SCAF8: variants seen among roughly 807,000 people sequenced by gnomAD.
SCAF8 encodes the protein SR-related and CTD-associated factor 8.
SCAF8 carries 23 observed loss-of-function variants against 140.5 expected under a neutral mutation model. That is an observed-to-expected ratio of 0.16 (90% CI 0.12 to 0.23). The LOEUF is 0.23. Among genes scored for constraint, SCAF8 ranks in the 10% least tolerant of loss-of-function variants. SCAF8 has a pLI of 1.00. For synonymous variants in SCAF8, 575 were observed against 528.9 expected, an observed-to-expected ratio of 1.09 and a Z score of -1.20; for missense variants, 1,397 against 1,555.7, an observed-to-expected ratio of 0.90 and a Z score of 1.72.
At chr6:154,771,332 A>G (rs1399478841) in intron 1 of SCAF8, among the ~76,000 whole-genome samples, 1 of 152,020 alleles carries the variant, frequency 6.6e-6, no homozygotes, top group Non-Finnish European at 1.5e-5. Flanking sequence ...TATTGGAGAG[A>G]CCCTGGTAGA....
In SCAF8 at chr6:154,815,777, C is replaced by A; in HGVS notation, c.1482C>A (p.Thr494=). The stretch of plus-strand genomic sequence containing the variant: ...AGAAGGCAACACAGCAAGACTTAAC[C>A]AACCTGTTTGAAGAGTTTGGACAGA... ...VDKKATQQDL[T]NLFEEFGQIE... Residue 494 remains threonine, a synonymous_variant, in exon 13 of 20, where the codon ACC becomes ACA. Transcript: ENST00000367178. 6.2e-7 allele frequency: 1 copy of A among 1,612,574 alleles called. No individual in the cohort carries two copies. The highest frequency in any genetic ancestry group is 8.5e-7 in the Non-Finnish European group (1 of 1,178,944).
At chr6:154,791,506 T>C (rs1777417157) in intron 4 of SCAF8, among the ~76,000 whole-genome samples, 1 of 152,124 alleles carries the variant, frequency 6.6e-6, no homozygotes, top group Non-Finnish European at 1.5e-5. Flanking sequence ...ATGCTCAAAA[T>C]TTGAGAATGG....
At chr6:154,750,996 C>G (rs1778823600) in intron 1 of SCAF8, among the ~76,000 whole-genome samples, 1 of 152,124 alleles carries the variant, frequency 6.6e-6, no homozygotes, top group Non-Finnish European at 1.5e-5. Context: ...GGAAGGTGGA[C>G]TGTGTGGATC....
intron 1 of SCAF8, among the ~76,000 whole-genome samples, chr6:154,748,831 C>A (rs552485146): frequency 1.3e-5 from 2 of 152,184 alleles, no homozygotes; most frequent in Admixed American, 6.5e-5. Flanking sequence ...TGCAAAATTT[C>A]CTAATCAGTA....
intron 17 of SCAF8, chr6:154,825,240 A>G (rs947957802): frequency 6.6e-6 from 1 of 152,222 alleles, no homozygotes; most frequent in East Asian, 1.9e-4. Context: ...TAATCTCTGT[A>G]TCATTCCAGT....
rs77631607 is a variant in SCAF8 at position 154,773,231 on chromosome 6, C to T, written c.31-758C>T. Among the ~76,000 whole-genome samples the T allele has an allele frequency of 3.7e-4, 57 of 152,316 alleles. 1 individual carries two copies. In the East Asian group the frequency reaches 9.6e-3, roughly 26 times the overall value. On this transcript the variant is annotated intron_variant, in intron 1 of 19. Transcript: ENST00000367178. ...ATCAGCAATGATTCCTCATTTATCT[C>T]CAGCTCTTTCAGCCCTAGACAACCA...
At chr6:154,789,299 G>A (rs969893320) in intron 4 of SCAF8, among the ~76,000 whole-genome samples, 2 of 151,704 alleles carry the variant, frequency 1.3e-5, no homozygotes, top group African/African-American at 4.8e-5. Flanking sequence ...TTTTAGTAGA[G>A]ATGGAGTTTT....
At chr6:154,773,917 G>C in intron 1 of SCAF8, 72 bp from the exon 2 acceptor site, 2 of 941,980 alleles carry the variant, frequency 2.1e-6, no homozygotes, top group South Asian at 2.8e-5. Flanking sequence ...ATATAAAAAT[G>C]AACATGTTTG....
In SCAF8 at chr6:154,770,074, G is replaced by T. The variant is rs141373103; in HGVS notation, c.31-3915G>T. Among the ~76,000 whole-genome samples the T allele has an allele frequency of 4.7e-4, 72 of 152,280 alleles. 1 individual carries two copies. The East Asian group carries it at 0.011, about 24-fold the overall frequency. ...TAAAGCAGGTAGGAATAAAGGGCAT[G>T]AATATATTAAAATTCCCTGTGAGTT... On this transcript the variant is annotated intron_variant, in intron 1 of 19. Coordinates refer to ENST00000367178, the MANE Select transcript of SCAF8 (RefSeq NM_014892.5).
intron 6 of SCAF8, among the ~76,000 whole-genome samples, chr6:154,799,011 C>G (rs1416747285): frequency 1.3e-5 from 2 of 150,770 alleles, no homozygotes; most frequent in South Asian, 2.1e-4. Context: ...GACATGGAGT[C>G]TTAGCCTGTC....
At chr6:154,734,089 G>A (rs1350279953) in intron 1 of SCAF8, among the ~76,000 whole-genome samples, 159 bp downstream of exon 1, 1 of 152,092 alleles carries the variant, frequency 6.6e-6, no homozygotes, top group Non-Finnish European at 1.5e-5. Context: ...TCTCCTCTGG[G>A]TGCCCCTCCC....
At chr6:154,779,868 A>G (rs752326600) in intron 3 of SCAF8, among the ~76,000 whole-genome samples, 18 of 151,896 alleles carry the variant, frequency 1.2e-4, no homozygotes, top group Non-Finnish European at 2.4e-4. Context: ...GGAATAAATC[A>G]TGTAGAGATC....
In SCAF8 at chr6:154,808,119, C is replaced by T. The variant is rs765599173; in HGVS notation, c.1031C>T (p.Ala344Val). 2.3e-5 allele frequency: 37 copies of T among 1,613,658 alleles called. 1 individual carries two copies. The highest frequency in any genetic ancestry group is 1.1e-4 in the South Asian group (10 of 91,076). Reference sequence around the variant, plus strand: ...GGAACCTTTGGGTCAGAGCATTCAGCGTCACCATCACAAGGGAGTAGTCAG... The same window carrying T: ...GGAACCTTTGGGTCAGAGCATTCAGTGTCACCATCACAAGGGAGTAGTCAG... ...QEGTFGSEHS[A>V]SPSQGSSQQH... The change falls in exon 10 of 20, where the codon GCG becomes GTG. Residue 344 changes from alanine (A) to valine (V), a missense_variant. Transcript: ENST00000367178.
At chr6:154,825,462 TG>T (rs1778538562) in intron 17 of SCAF8, among the ~76,000 whole-genome samples, 1 of 150,972 alleles carries the variant, frequency 6.6e-6, no homozygotes, top group Non-Finnish European at 1.5e-5. Flanking sequence ...ATTGCTTGGG[TG>T]CAGGAGTGCA....
intron 1 of SCAF8, among the ~76,000 whole-genome samples, chr6:154,773,534 ATTTT>A (rs1396397695): frequency 6.6e-6 from 1 of 152,044 alleles, no homozygotes; most frequent in Non-Finnish European, 1.5e-5. Context: ...GGTTATTATT[ATTTT>A]TTCTTTCTTT....
chr6:154,757,474 G>C (rs1778996078), intron 1 of SCAF8, among the ~76,000 whole-genome samples: 1 of 152,186 alleles, frequency 6.6e-6, no homozygotes, highest in Non-Finnish European at 1.5e-5. Flanking sequence ...GAATTTAGGT[G>C]TGAGAAAGCT....
At chr6:154,791,884 C>G (rs1394468399) in intron 4 of SCAF8, among the ~76,000 whole-genome samples, 3 of 151,920 alleles carry the variant, frequency 2.0e-5, no homozygotes, top group Non-Finnish European at 2.9e-5. Flanking sequence ...TGTTGAGACT[C>G]TTTATGAGGA....
At chr6:154,809,968 TAGAA>T (rs1305118390) in intron 11 of SCAF8, 43 bp from the exon 12 acceptor site, 11 of 1,467,378 alleles carry the variant, frequency 7.5e-6, no homozygotes, top group African/African-American at 1.4e-5. Context: ...ACAGATTTGG[TAGAA>T]AGAAAACATT....
chr6:154,783,898 C>T (rs999942197), intron 3 of SCAF8, among the ~76,000 whole-genome samples: 7 of 151,372 alleles, frequency 4.6e-5, no homozygotes, highest in South Asian at 2.1e-4. Flanking sequence ...GGTGAAATCC[C>T]GTCTCTACTA....
Sources: gnomAD v4.1 joint callset for allele counts (sites outside exome capture counted in the v4.1 genomes callset) on GRCh38, gnomAD v4.1.1 for gene constraint, MANE v1.5 for transcripts, NCBI Gene and HGNC (gene_info 2026-07-23, HGNC 2026-07-21) for gene names.